USP9X: variants seen among roughly 807,000 people sequenced by gnomAD.
USP9X encodes ubiquitin carboxyl-terminal hydrolase 9X.
Under a neutral mutation model 190.3 loss-of-function variants are expected in USP9X, and 7 were observed. That is an observed-to-expected ratio of 0.04 (90% CI 0.02 to 0.07). The LOEUF (loss-of-function observed/expected upper bound fraction) is 0.07, where lower values mean the gene tolerates loss of function less well. Among genes scored for constraint, USP9X ranks in the 10% least tolerant of loss-of-function variants. The pLI, the probability that USP9X is intolerant of heterozygous loss-of-function variation, is 1.00. For missense variants in USP9X, 1,010 were observed against 1,916.9 expected (o/e 0.53, Z 8.83); for synonymous variants, 645 against 659.5 (o/e 0.98, Z 0.34).
intron 11 of USP9X, among the ~76,000 whole-genome samples, chrX:41,145,721 G>A (rs1241603180): frequency 1.8e-5 from 2 of 111,611 alleles, no homozygotes; most frequent in Admixed American, 9.5e-5. Flanking sequence ...ATTGTGTACT[G>A]TAATAATGGT....
At chrX:41,125,682 A>T (rs548808216) in intron 2 of USP9X, among the ~76,000 whole-genome samples, 1,848 of 22,320 alleles carry the variant, frequency 0.083, 52 homozygotes, top group East Asian at 0.24. Flanking sequence ...ACACACACAC[A>T]CACTCTCTCT....
chrX:41,170,575 A>G lies in USP9X; in HGVS notation c.2983A>G (p.Ser995Gly), dbSNP rs760448502. The G allele has an allele frequency of 8.3e-7, 1 of 1,209,873 alleles. No individual in the cohort carries two copies. The highest frequency in any genetic ancestry group is 1.1e-6 in the Non-Finnish European group (1 of 895,158). Residue 995 changes from serine to glycine, a missense_variant, in exon 20 of 45, where the codon AGT becomes GGT. Physicochemically the swap from Ser to Gly is moderately conservative, Grantham distance 56. Coordinates refer to ENST00000378308, the MANE Select transcript of USP9X (RefSeq NM_001039591.3). ...GSPGNHGNHY[S>G]DGPNPEVESC... ...TCCTGGAAACCATGGTAATCATTACAGTGATGGTCCCAATCCAGAAGTGGA... is the reference window on the plus strand; with the variant it reads ...TCCTGGAAACCATGGTAATCATTACGGTGATGGTCCCAATCCAGAAGTGGA...
chrX:41,163,096 G>T (rs750068180), intron 15 of USP9X, among the ~76,000 whole-genome samples: 84 of 111,838 alleles, frequency 7.5e-4, no homozygotes, highest in South Asian at 1.8e-3. Context: ...CTTTAGAATT[G>T]ACTTCGTTCT....
At chrX:41,217,885 G>A (rs1255641208) in intron 36 of USP9X, among the ~76,000 whole-genome samples, 3 of 111,817 alleles carry the variant, frequency 2.7e-5, no homozygotes, top group African/African-American at 9.7e-5. Context: ...GCAAGACCCT[G>A]TCTCAAACAA....
At chrX:41,120,763 G>T in intron 1 of USP9X, among the ~76,000 whole-genome samples, 1 of 110,567 alleles carries the variant, frequency 9.0e-6, no homozygotes, top group Admixed American at 9.7e-5. Flanking sequence ...CTCCCAAAGT[G>T]CTGGGATTAC....
At position 41,194,927 on chromosome X, in the gene USP9X, C is replaced by A. The variant is rs938715176; in HGVS notation, c.3978-1324C>A. 5.4e-5 allele frequency among the ~76,000 whole-genome samples: 6 copies of A among 111,532 alleles called. No homozygotes were observed. In the East Asian group the frequency reaches 1.7e-3, roughly 31 times the overall value. ...CTAGTGAGATCTATATAGTACATAA[C>A]AGTTTTTAAAAAAGATAGATCCATG... On this transcript the variant is annotated intron_variant, in intron 26 of 44. Transcript: ENST00000378308.
chrX:41,197,690 A>G (rs910772086), intron 29 of USP9X, among the ~76,000 whole-genome samples, 180 bp downstream of exon 29: 1 of 111,658 alleles, frequency 9.0e-6, no homozygotes, highest in African/African-American at 3.3e-5. Context: ...ACTTTATTCA[A>G]GAGACATTTC....
At chrX:41,089,370 C>T (rs765748678) in intron 1 of USP9X, among the ~76,000 whole-genome samples, 1 of 111,849 alleles carries the variant, frequency 8.9e-6, no homozygotes, top group East Asian at 2.8e-4. Flanking sequence ...TGGTTTGTTT[C>T]TCGTACCAGA....
intron 1 of USP9X, among the ~76,000 whole-genome samples, chrX:41,101,144 C>G (rs1259005332): frequency 3.6e-5 from 4 of 110,944 alleles, no homozygotes; most frequent in Non-Finnish European, 7.5e-5. Flanking sequence ...TTTATTTTTG[C>G]TTTAACATTG....
chrX:41,200,793 C>G (rs756185669), intron 30 of USP9X, among the ~76,000 whole-genome samples: 3 of 112,213 alleles, frequency 2.7e-5, no homozygotes, highest in Non-Finnish European at 5.6e-5. Flanking sequence ...ATTATACTAT[C>G]TTGTACTTTT....
At chrX:41,125,725 C>T (rs1366601610) in intron 2 of USP9X, among the ~76,000 whole-genome samples, 2 of 104,610 alleles carry the variant, frequency 1.9e-5, no homozygotes, top group East Asian at 3.0e-4. Flanking sequence ...CTCTCGCGCA[C>T]GCGCGCGCGC....
In USP9X at chrX:41,159,433, T is replaced by C. The variant is rs182717825; in HGVS notation, c.1898-3357T>C. On this transcript the variant is annotated intron_variant, in intron 14 of 44. Transcript: ENST00000378308. ...CCCAGTTACATACCCAAGTAAAATG[T>C]ATACATAAATCTGTACAACATGAAT... Among the ~76,000 whole-genome samples, 388 of 112,204 alleles carry C rather than the reference T, an allele frequency of 3.5e-3. 1 individual carries two copies. Among genetic ancestry groups the C allele is most frequent in the Middle Eastern group, 9.2e-3 (2 of 217 alleles).
intron 26 of USP9X, among the ~76,000 whole-genome samples, chrX:41,195,698 T>C (rs1208032455): frequency 8.9e-6 from 1 of 111,815 alleles, no homozygotes; most frequent in Non-Finnish European, 1.9e-5. Flanking sequence ...AACCCTTGCA[T>C]GTGTAGTTCA....
Position 41,099,099 on chromosome X carries a change from T to TG in USP9X, c.-159+12990_-159+12991insG, listed in dbSNP as rs1240161855. On this transcript the variant is annotated intron_variant, in intron 1 of 44. Transcript: ENST00000378308. ...ATGCCATAATGCCCAGATAATTGTT[T>TG]TTTTTTTTTTTTTTTTTTTTTTTAA... Among the ~76,000 whole-genome samples the TG allele has an allele frequency of 1.1e-3, 50 of 44,975 alleles. 1 individual carries two copies. Among genetic ancestry groups the TG allele is most frequent in the Admixed American group, 2.0e-3 (10 of 4,882 alleles). 39.1% of individuals were successfully genotyped at this position (44,975 alleles called of 115,157 possible). A position where few individuals can be genotyped will look rare whatever the true frequency, so the allele number is the denominator to read the frequency against.
In USP9X at chrX:41,093,376, G is replaced by C. The variant is rs186908677; in HGVS notation, c.-159+7267G>C. Among the ~76,000 whole-genome samples, 15 of 112,243 alleles carry C rather than the reference G, an allele frequency of 1.3e-4. No individual in the cohort carries two copies. In the East Asian group the frequency reaches 3.4e-3, roughly 25 times the overall value. ...TCAGATGTATTTTGCCTTTTTATAA[G>C]AATGAGCAGAAAACAAAAAAGTAAA... is the stretch of plus-strand genomic sequence containing the variant. On this transcript the variant is annotated intron_variant, in intron 1 of 44. Transcript: ENST00000378308.
intron 26 of USP9X, among the ~76,000 whole-genome samples, chrX:41,193,858 G>A (rs919794367): frequency 1.8e-5 from 2 of 111,581 alleles, no homozygotes; most frequent in African/African-American, 6.5e-5. Context: ...GAAGATAGAG[G>A]CAACAGGATT....
At chrX:41,118,275 T>G (rs2062165342) in intron 1 of USP9X, among the ~76,000 whole-genome samples, 1 of 111,087 alleles carries the variant, frequency 9.0e-6, no homozygotes, top group Admixed American at 9.6e-5. Flanking sequence ...GCTGTACCCC[T>G]TAAGCAATAA....
At chrX:41,156,056 C>T (rs567730184) in intron 14 of USP9X, among the ~76,000 whole-genome samples, 2 of 112,164 alleles carry the variant, frequency 1.8e-5, no homozygotes, top group African/African-American at 6.5e-5. Flanking sequence ...AGGATTTTCA[C>T]GTCTGGAATG....
chrX:41,177,353 G>T (rs1279457694), intron 21 of USP9X, among the ~76,000 whole-genome samples: 5 of 112,090 alleles, frequency 4.5e-5, no homozygotes, highest in African/African-American at 1.6e-4. Context: ...CTCAGTCTTT[G>T]TCTTTTGTGA....
Sources: gnomAD v4.1 joint callset for allele counts (sites outside exome capture counted in the v4.1 genomes callset) on GRCh38, gnomAD v4.1.1 for gene constraint, MANE v1.5 for transcripts, NCBI Gene and HGNC (gene_info 2026-07-23, HGNC 2026-07-21) for gene names.